The following STARD13 variants were observed in gnomAD, a reference collection of about 807,000 sequenced individuals.
The protein encoded by STARD13 is stAR-related lipid transfer protein 13.
In STARD13, 62 loss-of-function variants were observed where a neutral mutation model predicts 106.4. The observed-to-expected ratio is 0.58, with a 90% CI of 0.48 to 0.72. The LOEUF (loss-of-function observed/expected upper bound fraction) is 0.72, where lower values mean the gene tolerates loss of function less well. Ranked by LOEUF, STARD13 falls within the 30% of genes least tolerant of loss-of-function variation. The pLI is 0.00. For synonymous variants in STARD13, 565 were observed against 553.0 expected, an observed-to-expected ratio of 1.02 and a Z score of -0.31; for missense variants, 1,387 against 1,424.0, an observed-to-expected ratio of 0.97 and a Z score of 0.42.
chr13:33,549,838 C>CG, the STARD13 span, among the ~76,000 whole-genome samples: 15 of 152,206 alleles, frequency 9.9e-5, no homozygotes, highest in East Asian at 9.7e-4. Context: ...CCACTTTGTT[C>CG]ATCACCATCA....
chr13:33,177,598 A>T (rs962046590), intron 1 of STARD13, among the ~76,000 whole-genome samples: 9 of 152,304 alleles, frequency 5.9e-5, no homozygotes, highest in Middle Eastern at 3.4e-3. Flanking sequence ...GATAAACAAG[A>T]AGGCTGTCAA....
At chr13:33,361,030 T>G in the STARD13 span, among the ~76,000 whole-genome samples, 1 of 148,268 alleles carries the variant, frequency 6.7e-6, no homozygotes, top group African/African-American at 2.5e-5. Context: ...ATGATCTCGA[T>G]CTCCTGACCT....
the STARD13 span, among the ~76,000 whole-genome samples, chr13:33,441,078 G>T: frequency 4.6e-5 from 7 of 151,882 alleles, no homozygotes; most frequent in East Asian, 9.7e-4. Context: ...CTCTGTCTTG[G>T]TGAATGGTGT....
At chr13:33,359,135 CTGTGGAAGCGT>C in the STARD13 span, among the ~76,000 whole-genome samples, 83,136 of 150,632 alleles carry the variant, frequency 0.55, 25,494 homozygotes, top group East Asian at 0.9. Flanking sequence ...GCCTTCCACA[CTGTGGAAGCGT>C]TGTTTTTCGC....
chr13:33,285,242 C>A (rs1199368960), intron 1 of STARD13, among the ~76,000 whole-genome samples: 1 of 152,032 alleles, frequency 6.6e-6, no homozygotes, highest in Non-Finnish European at 1.5e-5. Flanking sequence ...ATTCACTGTC[C>A]CACCGTGAAG....
chr13:33,316,386 T>C (rs1488892175), intron 1 of STARD13, among the ~76,000 whole-genome samples: 3 of 152,212 alleles, frequency 2.0e-5, no homozygotes, highest in Non-Finnish European at 2.9e-5. Flanking sequence ...AATGTAGAAA[T>C]AAGCAATCTT....
chr13:33,113,782 G>T (rs568905719), intron 8 of STARD13, among the ~76,000 whole-genome samples: 22 of 152,260 alleles, frequency 1.4e-4, no homozygotes, highest in African/African-American at 4.6e-4. Context: ...CCAGGGAATT[G>T]GTTCCAACAA....
At chr13:33,243,449 C>A (rs1889647949) in intron 1 of STARD13, among the ~76,000 whole-genome samples, 1 of 152,162 alleles carries the variant, frequency 6.6e-6, no homozygotes, top group African/African-American at 2.4e-5. Context: ...GTGGGAAGGG[C>A]TACACCACAG....
At chr13:33,114,675 A>C (rs982447832) in intron 8 of STARD13, among the ~76,000 whole-genome samples, 1 of 152,116 alleles carries the variant, frequency 6.6e-6, no homozygotes, top group Non-Finnish European at 1.5e-5. Context: ...GTGTGTATAC[A>C]TTGTTTAACT....
At chr13:33,474,456 C>T in the STARD13 span, among the ~76,000 whole-genome samples, 1 of 152,138 alleles carries the variant, frequency 6.6e-6, no homozygotes, top group African/African-American at 2.4e-5. Flanking sequence ...GTGGATCTTT[C>T]TATGTGTATA....
At chr13:33,234,648 G>C (rs1013767459) in intron 1 of STARD13, among the ~76,000 whole-genome samples, 3 of 152,134 alleles carry the variant, frequency 2.0e-5, no homozygotes, top group Non-Finnish European at 2.9e-5. Flanking sequence ...TGTGATTTTA[G>C]CATTCTGCCT....
chr13:33,264,789 A>G (rs554603431), intron 1 of STARD13, among the ~76,000 whole-genome samples: 18 of 152,298 alleles, frequency 1.2e-4, no homozygotes, highest in African/African-American at 4.3e-4. Flanking sequence ...TAGTTCTTGC[A>G]TGCTGGGAGA....
chr13:33,254,024 T>A (rs1318064601), intron 1 of STARD13, among the ~76,000 whole-genome samples: 1 of 152,202 alleles, frequency 6.6e-6, no homozygotes, highest in Non-Finnish European at 1.5e-5. Context: ...GGATGCACAG[T>A]CTGACACACA....
chr13:33,506,136 A>C, the STARD13 span, among the ~76,000 whole-genome samples: 1 of 152,156 alleles, frequency 6.6e-6, no homozygotes, highest in Non-Finnish European at 1.5e-5. Flanking sequence ...AGCAGTAAAA[A>C]TTTGTTTTCT....
the STARD13 span, among the ~76,000 whole-genome samples, chr13:33,437,293 G>A: frequency 1.3e-5 from 2 of 152,126 alleles, no homozygotes; most frequent in East Asian, 1.9e-4. Flanking sequence ...TTGCTCAATC[G>A]ATCACGACCC....
intron 1 of STARD13, among the ~76,000 whole-genome samples, chr13:33,260,304 C>A (rs1244184162): frequency 6.6e-6 from 1 of 152,196 alleles, no homozygotes; most frequent in Non-Finnish European, 1.5e-5. Flanking sequence ...GCATCTTTCG[C>A]ACTTATTTGC....
At chr13:33,188,030 T>C (rs536022231) in intron 1 of STARD13, 3 of 152,384 alleles carry the variant, frequency 2.0e-5, no homozygotes, top group Admixed American at 2.0e-4. Context: ...CCCGGCTGAC[T>C]ATGGGATAGA....
At chr13:33,496,911 T>C in the STARD13 span, among the ~76,000 whole-genome samples, 2 of 152,176 alleles carry the variant, frequency 1.3e-5, no homozygotes, top group East Asian at 3.8e-4. Context: ...GATAAGCTGC[T>C]CTCTGTTTTG....
At chr13:33,368,412 A>C in the STARD13 span, among the ~76,000 whole-genome samples, 1 of 152,220 alleles carries the variant, frequency 6.6e-6, no homozygotes, top group Non-Finnish European at 1.5e-5. Flanking sequence ...GTATAAAGGC[A>C]TTATATGCAT....
Sources: gnomAD v4.1 joint callset for allele counts (sites outside exome capture counted in the v4.1 genomes callset) on GRCh38, gnomAD v4.1.1 for gene constraint, MANE v1.5 for transcripts, NCBI Gene and HGNC (gene_info 2026-07-23, HGNC 2026-07-21) for gene names.